The following CDH4 variants were observed in gnomAD, a reference collection of about 807,000 sequenced individuals.
CDH4 encodes the protein cadherin-4.
CDH4 carries 33 observed loss-of-function variants against 86.0 expected under a neutral mutation model. That is an observed-to-expected ratio of 0.38 (90% CI 0.29 to 0.51). The LOEUF (loss-of-function observed/expected upper bound fraction) is 0.51, where lower values mean the gene tolerates loss of function less well. Among genes scored for constraint, CDH4 ranks in the 20% least tolerant of loss-of-function variants. CDH4 has a pLI of 0.86. For synonymous variants in CDH4, 555 were observed against 549.4 expected (o/e 1.01, Z -0.14); for missense variants, 1,114 against 1,307.4 (o/e 0.85, Z 2.28).
chr20:61,551,120 T>C (rs891310886), intron 2 of CDH4, among the ~76,000 whole-genome samples: 30 of 152,212 alleles, frequency 2.0e-4, no homozygotes, highest in Admixed American at 1.6e-3. Context: ...AAAGGTGTAA[T>C]GAAAGAATGT....
rs571300512 is a variant in CDH4, at chr20:61,358,868, C to G, written c.169+103931C>G. Among the ~76,000 whole-genome samples, 8 of 152,272 alleles carry G rather than the reference C, an allele frequency of 5.3e-5. No individual in the cohort carries two copies. The South Asian group carries it at 1.7e-3, about 32-fold the overall frequency. On this transcript the variant is annotated intron_variant, in intron 2 of 15. Transcript: ENST00000614565. ...GTTCCCTCTACAGGGAGCCGTCATG[C>G]GGCATGCTCACCGTCAGTTTCAGCC...
intron 2 of CDH4, among the ~76,000 whole-genome samples, chr20:61,636,738 G>C (rs1456472602): frequency 6.6e-6 from 1 of 152,232 alleles, no homozygotes; most frequent in Non-Finnish European, 1.5e-5. Context: ...TGGTGCCCCA[G>C]ACTCCTGAGT....
In CDH4 at chr20:61,811,661, C is replaced by T. The variant is rs1303717174; in HGVS notation, c.577-33007C>T. Reference sequence around the variant, plus strand: ...GTCACGCCCCTGCCACCCGGGGTCACGCCCCTGGCTGCCTACTGAGCTTTT... The same window carrying T: ...GTCACGCCCCTGCCACCCGGGGTCATGCCCCTGGCTGCCTACTGAGCTTTT... On this transcript the variant is annotated intron_variant, in intron 4 of 15. Coordinates refer to ENST00000614565, the MANE Select transcript of CDH4 (RefSeq NM_001794.5). This position sits in a 1 kb window ranked among gnomAD's most constrained non-coding sequence, Gnocchi z 4.4. 2.0e-5 allele frequency among the ~76,000 whole-genome samples: 3 copies of T among 151,474 alleles called. No individual in the cohort carries two copies. Among genetic ancestry groups the T allele is most frequent in the Admixed American group, 6.6e-5 (1 of 15,226 alleles).
intron 2 of CDH4, among the ~76,000 whole-genome samples, chr20:61,436,270 G>A (rs2085281626): frequency 6.6e-6 from 1 of 152,138 alleles, no homozygotes; most frequent in Non-Finnish European, 1.5e-5. Flanking sequence ...CCACTGGCCA[G>A]ACACCAACTG....
At position 61,934,239 on chromosome 20, in the gene CDH4, T is replaced by C. The variant is rs773900136; in HGVS notation, c.2544+19T>C. The C allele has an allele frequency of 1.3e-6, 2 of 1,514,836 alleles. No homozygotes were observed. The highest frequency in any genetic ancestry group is 2.1e-5 in the Admixed American group (1 of 46,658). 93.8% of individuals were successfully genotyped at this position (1,514,836 alleles called of 1,614,324 possible). Reference sequence around the variant, plus strand: ...CAATGAGGTGTGTGCCTCTCGGCAGTGGGGGGCCCGGGCAAGGTGTCTCCT... The same window carrying C: ...CAATGAGGTGTGTGCCTCTCGGCAGCGGGGGGCCCGGGCAAGGTGTCTCCT... On this transcript the variant is annotated intron_variant, in intron 15 of 15. Coordinates refer to ENST00000614565, the MANE Select transcript of CDH4 (RefSeq NM_001794.5).
chr20:61,573,837 C>T (rs1238215933), intron 2 of CDH4, among the ~76,000 whole-genome samples: 14 of 152,208 alleles, frequency 9.2e-5, no homozygotes, highest in Admixed American at 9.2e-4. Flanking sequence ...AACTCAAACA[C>T]AGGACAGATG....
At chr20:61,422,557 T>C (rs2085186015) in intron 2 of CDH4, among the ~76,000 whole-genome samples, 1 of 151,684 alleles carries the variant, frequency 6.6e-6, no homozygotes, top group Non-Finnish European at 1.5e-5. Flanking sequence ...ATATGAATAT[T>C]TTTATACTAA....
intron 2 of CDH4, among the ~76,000 whole-genome samples, chr20:61,540,642 G>A (rs1307422738): frequency 6.6e-6 from 1 of 152,194 alleles, no homozygotes; most frequent in Admixed American, 6.5e-5. Context: ...AAAGCCACAT[G>A]AAGGAGTGGT....
At chr20:61,721,977 T>C (rs1053626082) in intron 2 of CDH4, among the ~76,000 whole-genome samples, 1 of 152,122 alleles carries the variant, frequency 6.6e-6, no homozygotes, top group African/African-American at 2.4e-5. Flanking sequence ...CTGGGCTCTT[T>C]CCTGCTCAAG....
intron 4 of CDH4, among the ~76,000 whole-genome samples, chr20:61,828,830 CCT>C (rs1290741907): frequency 6.6e-6 from 1 of 152,246 alleles, no homozygotes; most frequent in East Asian, 1.9e-4. Context: ...CAGTCCCTAA[CCT>C]TTTTGGCACC....
chr20:61,670,220 G>C (rs917406261), intron 2 of CDH4, among the ~76,000 whole-genome samples: 1 of 152,164 alleles, frequency 6.6e-6, no homozygotes, highest in Non-Finnish European at 1.5e-5. Context: ...ACAAGCTCTC[G>C]CTGCTTCCCT....
At chr20:61,366,435 A>G (rs1353824231) in intron 2 of CDH4, among the ~76,000 whole-genome samples, 1 of 152,212 alleles carries the variant, frequency 6.6e-6, no homozygotes, top group East Asian at 1.9e-4. Context: ...AAAGACACAC[A>G]CACAGAAATA....
intron 2 of CDH4, among the ~76,000 whole-genome samples, chr20:61,592,354 G>A (rs768413265): frequency 6.6e-6 from 1 of 152,166 alleles, no homozygotes; most frequent in Non-Finnish European, 1.5e-5. Context: ...ACTGGGCACT[G>A]CTCAGGGCCC....
At chr20:61,686,230 C>T (rs2087571611) in intron 2 of CDH4, among the ~76,000 whole-genome samples, 1 of 152,262 alleles carries the variant, frequency 6.6e-6, no homozygotes, top group African/African-American at 2.4e-5. Flanking sequence ...CAGTTGGTTT[C>T]CTTGCAGAGC....
intron 2 of CDH4, among the ~76,000 whole-genome samples, chr20:61,611,241 C>A (rs1394679037): frequency 6.6e-6 from 1 of 152,016 alleles, no homozygotes; most frequent in Admixed American, 6.5e-5. Flanking sequence ...GAGGGTGGGG[C>A]AAAAAGTTCC....
At chr20:61,795,532 C>A (rs1021295031) in intron 4 of CDH4, among the ~76,000 whole-genome samples, 1 of 152,166 alleles carries the variant, frequency 6.6e-6, no homozygotes, top group Admixed American at 6.5e-5. Flanking sequence ...ATACGTTGTG[C>A]TTGGGGAGAC....
At chr20:61,880,024 C>T (rs1157176732) in intron 7 of CDH4, among the ~76,000 whole-genome samples, 1 of 152,212 alleles carries the variant, frequency 6.6e-6, no homozygotes, top group East Asian at 1.9e-4. Context: ...CTTCAAGACC[C>T]TCTGCCCGCC....
intron 12 of CDH4, among the ~76,000 whole-genome samples, chr20:61,928,879 C>T (rs961027052): frequency 1.3e-5 from 2 of 152,166 alleles, no homozygotes; most frequent in South Asian, 4.2e-4. Context: ...TCCTCAAACC[C>T]CACCAACACT....
chr20:61,751,147 G>A (rs1265731922), intron 3 of CDH4, among the ~76,000 whole-genome samples: 6 of 152,280 alleles, frequency 3.9e-5, no homozygotes, highest in Non-Finnish European at 5.9e-5. Flanking sequence ...TGGAAAGGGC[G>A]AAGGTAGCCT....
Sources: allele counts gnomAD v4.1 joint callset (sites outside exome capture counted in the v4.1 genomes callset), GRCh38; gene constraint gnomAD v4.1.1; non-coding constraint Gnocchi (gnomAD v3.1); transcripts MANE v1.5; gene names NCBI Gene and HGNC (gene_info 2026-07-23, HGNC 2026-07-21).